Variants in OR1G1 observed in about 807,000 individuals in gnomAD.
OR1G1 encodes the protein olfactory receptor family 1 subfamily G member 1.
For synonymous variants in OR1G1, 145 were observed against 149.6 expected (o/e 0.97, Z 0.22); for missense variants, 347 against 375.5 (o/e 0.92, Z 0.63).
In OR1G1 at chr17:3,127,000, G is replaced by T; in HGVS notation, c.552C>A (p.Leu184=). The change falls in exon 1 of 1, where the codon CTC becomes CTA. Residue 184 remains leucine (L), a synonymous_variant. Coordinates refer to ENST00000328890, the MANE Select transcript of OR1G1 (RefSeq NM_003555.1). The part of the protein sequence containing the change: ...IPHFFCDINP[L]LSLSCTDPFT... ...AGGGGTCTGTGCAGGACAGACTCAG[G>T]AGGGGATTGATGTCACAGAAGAAGT... The T allele has an allele frequency of 1.9e-6, 3 of 1,614,180 alleles. 1 individual carries two copies. The African/African-American group carries it at 4.0e-5, about 22-fold the overall frequency.
Position 3,126,863 on chromosome 17 carries a change from G to C in OR1G1, c.689C>G (p.Ser230Ter), listed in dbSNP as rs780342103. The C allele has an allele frequency of 6.2e-7, 1 of 1,614,132 alleles. No individual in the cohort carries two copies. Among genetic ancestry groups the C allele is most frequent in the South Asian group, 1.1e-5 (1 of 91,078 alleles). The change falls in exon 1 of 1, where the codon TCA (serine) becomes TGA (stop). Residue 230 changes from serine (S) to a stop codon, truncating the protein, a stop_gained. Coordinates refer to ENST00000328890, the MANE Select transcript of OR1G1 (RefSeq NM_003555.1). LOFTEE classifies it low-confidence loss of function (END_TRUNC). ...AAAGGCTTTCCGCTTCCCCTGAGCTGATGGGATCTTCAGGATGGTCGAGAA... is the reference window on the plus strand; with the variant it reads ...AAAGGCTTTCCGCTTCCCCTGAGCTCATGGGATCTTCAGGATGGTCGAGAA... ...NVFSTILKIP[S>*]AQGKRKAFST...
rs763065406 is a variant in OR1G1, at chr17:3,127,247, TACAACTGTAGTAGAC to T, written c.290_304del (p.Cys97_Leu101del). ...CAGCATCACAAATAACATGAAAAAA[TACAACTGTAGTAGAC>T]ACCCTGAGTAGGAGATGGCCTGACT... On this transcript the variant is annotated inframe_deletion, in exon 1 of 1. Coordinates refer to ENST00000328890, the MANE Select transcript of OR1G1 (RefSeq NM_003555.1). The T allele has an allele frequency of 6.2e-7, 1 of 1,613,950 alleles. No individual in the cohort carries two copies. Among genetic ancestry groups the T allele is most frequent in the South Asian group, 1.1e-5 (1 of 91,068 alleles).
rs761006868 is a variant in OR1G1, at chr17:3,126,931, T to A, written c.621A>T (p.Gly207=). 4 of 1,613,842 alleles carry A rather than the reference T, an allele frequency of 2.5e-6. No homozygotes were observed. Among genetic ancestry groups the A allele is most frequent in the Non-Finnish European group, 3.4e-6 (4 of 1,179,960 alleles). Residue 207 remains glycine (G), a synonymous_variant, in exon 1 of 1, where the codon GGA becomes GGT. Transcript: ENST00000328890. ...LVIFITGGLT[G]LICVLCLIIS... Reference sequence around the variant, plus strand: ...TAATCAGGCAAAGCACACAAATGAGTCCTGTGAGACCCCCAGTGATGAAGA... The same window carrying A: ...TAATCAGGCAAAGCACACAAATGAGACCTGTGAGACCCCCAGTGATGAAGA...
chr17:3,127,421 A>C lies in OR1G1; in HGVS notation c.131T>G (p.Leu44Arg). The stretch of plus-strand genomic sequence containing the variant: ...GTCAGTAATGATGACTAGAATGATG[A>C]GGAGGTTGCCTGCCACCGTGACCAA... ...MYLVTVAGNL[L>R]IILVIITDTQ... Residue 44 changes from leucine to arginine, a missense_variant, in exon 1 of 1, where the codon CTC becomes CGC. Physicochemically the swap from Leu to Arg is moderately radical, Grantham distance 102. Coordinates refer to ENST00000328890, the MANE Select transcript of OR1G1 (RefSeq NM_003555.1). 6.2e-7 allele frequency: 1 copy of C among 1,614,056 alleles called. No individual in the cohort carries two copies. Among genetic ancestry groups the C allele is most frequent in the South Asian group, 1.1e-5 (1 of 91,064 alleles).
chr17:3,127,044 C>A lies in OR1G1; in HGVS notation c.508G>T (p.Ala170Ser), dbSNP rs201573244. 71 of 1,613,878 alleles carry A rather than the reference C, an allele frequency of 4.4e-5. 1 individual carries two copies. Among genetic ancestry groups the A allele is most frequent in the Non-Finnish European group, 9.3e-6 (11 of 1,180,022 alleles). ...AAGAAGTGTGGGATCTCATGGTTTG[C>A]GCAGAAGGACAGGCTGTTCATCAGA... ...TLLMNSLSFCANHEIPHFFCD... is the reference protein window; with the variant it reads ...TLLMNSLSFCSNHEIPHFFCD... Residue 170 changes from alanine to serine, a missense_variant, in exon 1 of 1, where the codon GCA becomes TCA. Transcript: ENST00000328890.
Position 3,126,941 on chromosome 17 carries a change from C to A in OR1G1, c.611G>T (p.Gly204Val), listed in dbSNP as rs778792105. Reference sequence around the variant, plus strand: ...AAGCACACAAATGAGTCCTGTGAGACCCCCAGTGATGAAGATCACCAGCTC... The same window carrying A: ...AAGCACACAAATGAGTCCTGTGAGAACCCCAGTGATGAAGATCACCAGCTC... The part of the protein sequence containing the change: ...TNELVIFITG[G>V]LTGLICVLCL... The change falls in exon 1 of 1, where the codon GGT (glycine) becomes GTT (valine). Residue 204 changes from glycine (G) to valine (V), a missense_variant. Physicochemically the swap from Gly to Val is moderately radical, Grantham distance 109. Transcript: ENST00000328890. 4 of 1,613,996 alleles carry A rather than the reference C, an allele frequency of 2.5e-6. No individual in the cohort carries two copies. In the African/African-American group the frequency reaches 4.0e-5, roughly 16 times the overall value.
rs749737130 is a variant in OR1G1, at chr17:3,126,638, A to G, written c.914T>C (p.Ile305Thr). Reference sequence around the variant, plus strand: ...AGGGGAATGAATTTTCCGAACCCAGATTAACTTTCTCAGGGAAGACTTTAT... The same window carrying G: ...AGGGGAATGAATTTTCCGAACCCAGGTTAACTTTCTCAGGGAAGACTTTAT... ...QEIKSSLRKL[I>T]WVRKIHSP Residue 305 changes from isoleucine to threonine, a missense_variant, in exon 1 of 1, where the codon ATC becomes ACC. Transcript: ENST00000328890. The G allele has an allele frequency of 1.3e-6, 2 of 1,589,418 alleles. No individual in the cohort carries two copies. Among genetic ancestry groups the G allele is most frequent in the African/African-American group, 2.7e-5 (2 of 73,628 alleles).
Position 3,127,434 on chromosome 17 carries a change from C to T in OR1G1, c.118G>A (p.Ala40Thr), listed in dbSNP as rs763995502. 6.2e-7 allele frequency: 1 copy of T among 1,613,916 alleles called. No homozygotes were observed. Among genetic ancestry groups the T allele is most frequent in the East Asian group, 2.2e-5 (1 of 44,880 alleles). Residue 40 changes from alanine (A) to threonine (T), a missense_variant, in exon 1 of 1, where the codon GCA (alanine) becomes ACA (threonine). Ala to Thr is a moderately conservative substitution (Grantham distance 58). Transcript: ENST00000328890. ...ACTAGAATGATGAGGAGGTTGCCTG[C>T]CACCGTGACCAAGTACATGAACAGG... The part of the protein sequence containing the change: ...SFLFMYLVTV[A>T]GNLLIILVII...
rs201015679 is a variant in OR1G1, at chr17:3,127,517, C to G, written c.35G>C (p.Cys12Ser). 88 of 1,613,524 alleles carry G rather than the reference C, an allele frequency of 5.5e-5. No homozygotes were observed. The East Asian group carries it at 1.9e-3, about 36-fold the overall frequency. The change falls in exon 1 of 1, where the codon TGT (cysteine) becomes TCT (serine). Residue 12 changes from cysteine (C) to serine (S), a missense_variant. Cys to Ser is a moderately radical substitution (Grantham distance 112). Transcript: ENST00000328890. ...CTGCTCAGAGAACCCCAGGAGGAAACATTCTGAGATGCTGGTCAGATTTTT... is the reference window on the plus strand; with the variant it reads ...CTGCTCAGAGAACCCCAGGAGGAAAGATTCTGAGATGCTGGTCAGATTTTT... ...EGKNLTSISECFLLGFSEQLE... is the reference protein window; with the variant it reads ...EGKNLTSISESFLLGFSEQLE...
Position 3,127,522 on chromosome 17 carries a change from T to C in OR1G1, c.30A>G (p.Ser10=). 6.2e-7 allele frequency: 1 copy of C among 1,613,090 alleles called. No homozygotes were observed. The highest frequency in any genetic ancestry group is 8.5e-7 in the Non-Finnish European group (1 of 1,179,514). The stretch of plus-strand genomic sequence containing the variant: ...CAGAGAACCCCAGGAGGAAACATTC[T>C]GAGATGCTGGTCAGATTTTTCCCCT... MEGKNLTSI[S]ECFLLGFSEQ... is the part of the protein sequence containing the mutation. Residue 10 remains serine (S), a synonymous_variant, in exon 1 of 1, where the codon TCA becomes TCG. Transcript: ENST00000328890.
chr17:3,127,480 C>G lies in OR1G1; in HGVS notation c.72G>C (p.Gln24His). Residue 24 changes from glutamine to histidine, a missense_variant, in exon 1 of 1, where the codon CAG becomes CAC. Gln to His is a conservative substitution (Grantham distance 24). Coordinates refer to ENST00000328890, the MANE Select transcript of OR1G1 (RefSeq NM_003555.1). ...LLGFSEQLEEQKPLFGSFLFM... is the reference protein window; with the variant it reads ...LLGFSEQLEEHKPLFGSFLFM... ...ACAGGAAGGACCCAAAGAGGGGCTT[C>G]TGCTCCTCCAGCTGCTCAGAGAACC... The G allele has an allele frequency of 6.2e-7, 1 of 1,614,100 alleles. No individual in the cohort carries two copies. The highest frequency in any genetic ancestry group is 1.3e-5 in the African/African-American group (1 of 75,018).
chr17:3,127,172 C>A lies in OR1G1; in HGVS notation c.380G>T (p.Cys127Phe). Reference sequence around the variant, plus strand: ...GATCAGAATGTAATGAAGTGGGTGGCATATGGCCACGTAGCAGTCATAGGC... The same window carrying A: ...GATCAGAATGTAATGAAGTGGGTGGAATATGGCCACGTAGCAGTCATAGGC... ...VMAYDCYVAI[C>F]HPLHYILIMS... is the part of the protein sequence containing the mutation. Residue 127 changes from cysteine to phenylalanine, a missense_variant, in exon 1 of 1, where the codon TGC becomes TTC. Transcript: ENST00000328890. 1 of 1,614,144 alleles carries A rather than the reference C, an allele frequency of 6.2e-7. No individual in the cohort carries two copies. The highest frequency in any genetic ancestry group is 8.5e-7 in the Non-Finnish European group (1 of 1,180,028).
In OR1G1 at chr17:3,127,376, A is replaced by T; in HGVS notation, c.176T>A (p.Met59Lys). 6.2e-7 allele frequency: 1 copy of T among 1,614,144 alleles called. No individual in the cohort carries two copies. Among genetic ancestry groups the T allele is most frequent in the Non-Finnish European group, 8.5e-7 (1 of 1,180,028 alleles). ...IITDTQLHTP[M>K]YFFLANLSLA... is the part of the protein sequence containing the mutation. ...GGAGAGGTTGGCTAGAAAGAAGTAC[A>T]TGGGGGTATGGAGTTGAGTGTCAGT... Residue 59 changes from methionine (M) to lysine (K), a missense_variant, in exon 1 of 1, where the codon ATG becomes AAG. Transcript: ENST00000328890.
At position 3,127,295 on chromosome 17, in the gene OR1G1, T is replaced by G; in HGVS notation, c.257A>C (p.Gln86Pro). ...TTVPKMLANI[Q>P]IQSQAISYSG... ...GTAGGAGATGGCCTGACTCTGGATC[T>G]GTATGTTTGCCAGCATCTTAGGGAC... Residue 86 changes from glutamine to proline, a missense_variant, in exon 1 of 1, where the codon CAG becomes CCG. Transcript: ENST00000328890. 1 of 1,614,166 alleles carries G rather than the reference T, an allele frequency of 6.2e-7. No individual in the cohort carries two copies. The highest frequency in any genetic ancestry group is 8.5e-7 in the Non-Finnish European group (1 of 1,180,028).
At position 3,127,139 on chromosome 17, in the gene OR1G1, G is replaced by C; in HGVS notation, c.413C>G (p.Pro138Arg). 6.2e-7 allele frequency: 1 copy of C among 1,614,112 alleles called. No homozygotes were observed. The highest frequency in any genetic ancestry group is 8.5e-7 in the Non-Finnish European group (1 of 1,180,032). Residue 138 changes from proline (P) to arginine (R), a missense_variant, in exon 1 of 1, where the codon CCT (proline) becomes CGT (arginine). Transcript: ENST00000328890. Reference sequence around the variant, plus strand: ...AGACACGAGGAAGATGCAGAGCCCAGGGCTCATGATCAGAATGTAATGAAG... The same window carrying C: ...AGACACGAGGAAGATGCAGAGCCCACGGCTCATGATCAGAATGTAATGAAG... Reference protein sequence around the residue: ...HPLHYILIMSPGLCIFLVSAS... With the variant: ...HPLHYILIMSRGLCIFLVSAS...
At position 3,127,187 on chromosome 17, in the gene OR1G1, C is replaced by A. The variant is rs781085381; in HGVS notation, c.365G>T (p.Cys122Phe). The A allele has an allele frequency of 1.9e-5, 30 of 1,614,030 alleles. No individual in the cohort carries two copies. The highest frequency in any genetic ancestry group is 2.5e-5 in the Non-Finnish European group (29 of 1,180,024). The change falls in exon 1 of 1, where the codon TGC becomes TTC. Residue 122 changes from cysteine to phenylalanine, a missense_variant. Transcript: ENST00000328890. Reference sequence around the variant, plus strand: ...AAGTGGGTGGCATATGGCCACGTAGCAGTCATAGGCCATGACCGCCAAGAG... The same window carrying A: ...AAGTGGGTGGCATATGGCCACGTAGAAGTCATAGGCCATGACCGCCAAGAG... ...AFLLAVMAYD[C>F]YVAICHPLHY... is the part of the protein sequence containing the mutation.
Position 3,127,077 on chromosome 17 carries a change from G to A in OR1G1, c.475C>T (p.His159Tyr). ...GACAGGCTGTTCATCAGAAGTGTGT[G>A]TAGAAGGGAGTGGAGGGCATTCATG... The part of the protein sequence containing the change: ...WIMNALHSLL[H>Y]TLLMNSLSFC... The change falls in exon 1 of 1, where the codon CAC (histidine) becomes TAC (tyrosine). Residue 159 changes from histidine (H) to tyrosine (Y), a missense_variant. Coordinates refer to ENST00000328890, the MANE Select transcript of OR1G1 (RefSeq NM_003555.1). 2.5e-6 allele frequency: 4 copies of A among 1,614,068 alleles called. No homozygotes were observed. The highest frequency in any genetic ancestry group is 3.4e-6 in the Non-Finnish European group (4 of 1,180,046).
rs944984396 is a variant in OR1G1 at position 3,127,340 on chromosome 17, G to C, written c.212C>G (p.Ala71Gly). 1 of 1,614,168 alleles carries C rather than the reference G, an allele frequency of 6.2e-7. No homozygotes were observed. The highest frequency in any genetic ancestry group is 1.1e-5 in the South Asian group (1 of 91,076). Reference sequence around the variant, plus strand: ...AGGGACTGTGGTGGACACAAAGCAGGCATCTGCAAGGGAGAGGTTGGCTAG... The same window carrying C: ...AGGGACTGTGGTGGACACAAAGCAGCCATCTGCAAGGGAGAGGTTGGCTAG... ...FFLANLSLAD[A>G]CFVSTTVPKM... Residue 71 changes from alanine (A) to glycine (G), a missense_variant, in exon 1 of 1, where the codon GCC (alanine) becomes GGC (glycine). Transcript: ENST00000328890.
Position 3,127,232 on chromosome 17 carries a change from A to G in OR1G1, c.320T>C (p.Phe107Ser). Residue 107 changes from phenylalanine to serine, a missense_variant, in exon 1 of 1, where the codon TTT becomes TCT. Physicochemically the swap from Phe to Ser is radical, Grantham distance 155. Coordinates refer to ENST00000328890, the MANE Select transcript of OR1G1 (RefSeq NM_003555.1). ...CLLQLYFFML[F>S]VMLEAFLLAV... ...CAAGAGGAATGCCTCCAGCATCACA[A>G]ATAACATGAAAAAATACAACTGTAG... The G allele has an allele frequency of 2.5e-6, 4 of 1,614,226 alleles. No homozygotes were observed. Among genetic ancestry groups the G allele is most frequent in the Non-Finnish European group, 3.4e-6 (4 of 1,180,036 alleles).
Sources: allele counts gnomAD v4.1 joint callset, GRCh38; gene constraint gnomAD v4.1.1; transcripts MANE v1.5; gene names NCBI Gene and HGNC (gene_info 2026-07-23, HGNC 2026-07-21).